The following LRIG2 variants were observed in gnomAD, a reference collection of about 807,000 sequenced individuals.
LRIG2 encodes leucine-rich repeats and immunoglobulin-like domains protein 2.
Under a neutral mutation model 107.8 loss-of-function variants are expected in LRIG2, and 93 were observed. The ratio of observed to expected loss-of-function variants is 0.86; its 90% CI spans 0.73 to 1.03. The LOEUF is 1.03. LRIG2 is among the 50% of genes least tolerant of loss of function. LRIG2 has a pLI of 0.00. For synonymous variants in LRIG2, 471 were observed against 470.6 expected, an observed-to-expected ratio of 1.00 and a Z score of -0.01; for missense variants, 1,226 against 1,296.0, an observed-to-expected ratio of 0.95 and a Z score of 0.83.
Position 113,112,721 on chromosome 1 carries a change from G to A in LRIG2, c.2041G>A (p.Ala681Thr). 6.2e-7 allele frequency: 1 copy of A among 1,608,292 alleles called. No homozygotes were observed. The highest frequency in any genetic ancestry group is 8.5e-7 in the Non-Finnish European group (1 of 1,174,934). ...GIYSCMAQNT[A>T]GGLSANASLT... ...CTATAGCTGCATGGCACAAAATACAGCAGGAGGTCTCTCAGCAAATGCTTC... is the reference window on the plus strand; with the variant it reads ...CTATAGCTGCATGGCACAAAATACAACAGGAGGTCTCTCAGCAAATGCTTC... The change falls in exon 14 of 18, where the codon GCA becomes ACA. Residue 681 changes from alanine (A) to threonine (T), a missense_variant. Physicochemically the swap from Ala to Thr is moderately conservative, Grantham distance 58 (BLOSUM62 0). Around this residue, in one of 3 missense-constraint regions of LRIG2, gnomAD observed 642 missense variants for 712.2 expected, o/e 0.90. Coordinates refer to ENST00000361127, the MANE Select transcript of LRIG2 (RefSeq NM_014813.3).
intron 14 of LRIG2, 65 bp downstream of exon 14, chr1:113,112,825 AT>A: frequency 6.9e-7 from 1 of 1,444,440 alleles, no homozygotes; most frequent in Non-Finnish European, 9.3e-7. Context: ...CTTGGTCTTA[AT>A]GAGCAAGAAA....
intron 1 of LRIG2, among the ~76,000 whole-genome samples, chr1:113,077,189 G>A (rs1251565848): frequency 1.3e-5 from 2 of 151,096 alleles, no homozygotes; most frequent in Non-Finnish European, 2.9e-5. Flanking sequence ...CTTTCGCCCA[G>A]GCTGGAGTGA....
intron 4 of LRIG2, 79 bp from the exon 5 acceptor site, chr1:113,094,260 T>C: frequency 9.6e-7 from 1 of 1,037,398 alleles, no homozygotes; most frequent in Non-Finnish European, 1.4e-6. Flanking sequence ...GGCTTAGACA[T>C]AGATTTTTGG....
At chr1:113,086,489 T>A (rs1653561118) in intron 1 of LRIG2, among the ~76,000 whole-genome samples, 1 of 152,204 alleles carries the variant, frequency 6.6e-6, no homozygotes, top group Non-Finnish European at 1.5e-5. Flanking sequence ...TTGCTGAAGT[T>A]CCCGGTTCAG....
rs755741529 is a variant in LRIG2 at position 113,125,286 on chromosome 1, TTCA to T, written c.*1187_*1189del. On this transcript the variant is annotated 3_prime_UTR_variant, in exon 18 of 18. Transcript: ENST00000361127. ...AGTCTTGGTGTAATTAACCGCCTTCTTCATGCCTAGAGGTTCATACTTCTGGTC... is the reference window on the plus strand; with the variant it reads ...AGTCTTGGTGTAATTAACCGCCTTCTTGCCTAGAGGTTCATACTTCTGGTC... 3.9e-5 allele frequency: 6 copies of T among 152,262 alleles called. No homozygotes were observed. The highest frequency in any genetic ancestry group is 8.8e-5 in the Non-Finnish European group (6 of 68,052). The allele number at this position is 152,262 out of a possible 1,614,324, so 9.4% of individuals were successfully genotyped here.
At position 113,094,968 on chromosome 1, in the gene LRIG2, T is replaced by TTATATA. The variant is rs372586532; in HGVS notation, c.803+225_803+230dup. Among the ~76,000 whole-genome samples the TTATATA allele has an allele frequency of 5.8e-3, 605 of 104,668 alleles. 4 individuals carry two copies. The highest frequency in any genetic ancestry group is 0.013 in the South Asian group (38 of 2,932). 68.7% of individuals were successfully genotyped at this position (104,668 alleles called of 152,430 possible). ...CTTACAAACTTCTCATCTAAAAAGTTTATATATATATATATATTTTTTTTG... is the reference window on the plus strand; with the variant it reads ...CTTACAAACTTCTCATCTAAAAAGTTTATATATATATATATATATATATTTTTTTTG... On this transcript the variant is annotated intron_variant, in intron 6 of 17. Coordinates refer to ENST00000361127, the MANE Select transcript of LRIG2 (RefSeq NM_014813.3).
chr1:113,094,328 G>A lies in LRIG2; in HGVS notation c.516-11G>A. ...AAATTTTTTCTTTTGCTATTATCTT[G>A]TTTATTTTAGGAATTTAAGTAATAA... is the stretch of plus-strand genomic sequence containing the variant. On this transcript the variant is annotated splice_polypyrimidine_tract_variant and intron_variant, in intron 4 of 17. Transcript: ENST00000361127. 1 of 1,584,732 alleles carries A rather than the reference G, an allele frequency of 6.3e-7. No homozygotes were observed. The highest frequency in any genetic ancestry group is 8.5e-7 in the Non-Finnish European group (1 of 1,170,618).
Position 113,094,651 on chromosome 1 carries a change from T to TA in LRIG2, c.700dup (p.Thr234AsnfsTer6). 1 of 1,613,898 alleles carries TA rather than the reference T, an allele frequency of 6.2e-7. No individual in the cohort carries two copies. Among genetic ancestry groups the TA allele is most frequent in the Non-Finnish European group, 8.5e-7 (1 of 1,179,812 alleles). On this transcript the variant is annotated frameshift_variant, in exon 6 of 18. Coordinates refer to ENST00000361127, the MANE Select transcript of LRIG2 (RefSeq NM_014813.3). LOFTEE classifies it high-confidence loss of function. ...ACAGAATTAAAATTGTGGAAGGTCT[T>TA]ACATTCCAAGGGCTTGACTCCTTAA...
rs554128964 is a variant in LRIG2, at chr1:113,107,642, A to G, written c.1362A>G (p.Leu454=). ...TCTGTGACTGCCATTTGAAGTGGCTACTTCAATGGTTGGTTGATAATAACT... is the reference window on the plus strand; with the variant it reads ...TCTGTGACTGCCATTTGAAGTGGCTGCTTCAATGGTTGGTTGATAATAACT... ...SLLCDCHLKW[L]LQWLVDNNFQ... is the part of the protein sequence containing the mutation. Residue 454 remains leucine, a synonymous_variant, in exon 12 of 18, where the codon CTA becomes CTG. Transcript: ENST00000361127. The G allele has an allele frequency of 3.9e-5, 63 of 1,613,842 alleles. 1 individual carries two copies. In the South Asian group the frequency reaches 6.4e-4, roughly 16 times the overall value.
chr1:113,093,631 GGGGAGGGGGCA>G, intron 4 of LRIG2, 67 bp downstream of exon 4: 1 of 247,954 alleles, frequency 4.0e-6, no homozygotes. Context: ...TGTGGGGTGG[GGGGAGGGGGCA>G]GGGATAGCAC....
chr1:113,109,379 A>AT (rs1245725624), intron 12 of LRIG2, among the ~76,000 whole-genome samples: 1 of 152,176 alleles, frequency 6.6e-6, no homozygotes, highest in Non-Finnish European at 1.5e-5. Flanking sequence ...ACCTATTTGG[A>AT]TTTTTTCACT....
intron 15 of LRIG2, 107 bp from the exon 16 acceptor site, chr1:113,116,180 C>T (rs1490254906): frequency 3.5e-6 from 3 of 846,024 alleles, no homozygotes; most frequent in Non-Finnish European, 5.5e-6. Context: ...TAGGTACGTA[C>T]AGTTTTTCTT....
chr1:113,077,836 T>G (rs1653057533), intron 1 of LRIG2, among the ~76,000 whole-genome samples: 1 of 151,270 alleles, frequency 6.6e-6, no homozygotes, highest in African/African-American at 2.4e-5. Context: ...GCTGCACCCA[T>G]TAACTCATCA....
chr1:113,094,014 T>G (rs1252041364), intron 4 of LRIG2, among the ~76,000 whole-genome samples: 1 of 150,930 alleles, frequency 6.6e-6, no homozygotes, highest in Non-Finnish European at 1.5e-5. Context: ...ATTTTGTTTG[T>G]TTTTTTTTGA....
At chr1:113,112,359 C>A in intron 13 of LRIG2, 120 bp from the exon 14 acceptor site, 1 of 883,318 alleles carries the variant, frequency 1.1e-6, no homozygotes, top group Non-Finnish European at 1.7e-6. Flanking sequence ...AGCCTGTCTT[C>A]ACAAAGAAAT....
chr1:113,114,493 A>G lies in LRIG2; in HGVS notation c.2147A>G (p.Gln716Arg), dbSNP rs929985633. 17 of 1,613,934 alleles carry G rather than the reference A, an allele frequency of 1.1e-5. No individual in the cohort carries two copies. Among genetic ancestry groups the G allele is most frequent in the Non-Finnish European group, 1.4e-5 (17 of 1,180,000 alleles). ...ACACGAGGTGAAACTGCGGTGTTAC[A>G]GTGCATAGCTGGAGGGAGTCCTGCC... ...TVTRGETAVLQCIAGGSPAPR... is the reference protein window; with the variant it reads ...TVTRGETAVLRCIAGGSPAPR... Residue 716 changes from glutamine (Q) to arginine (R), a missense_variant, in exon 15 of 18, where the codon CAG becomes CGG. By Grantham distance (43) the Gln-to-Arg change is conservative (BLOSUM62 1). Transcript: ENST00000361127.
intron 17 of LRIG2, among the ~76,000 whole-genome samples, chr1:113,123,534 A>T (rs1384969392): frequency 6.6e-6 from 1 of 152,218 alleles, no homozygotes; most frequent in African/African-American, 2.4e-5. Context: ...AGATGACGCC[A>T]TTGCACTCCA....
chr1:113,105,081 GGTT>G (rs1654476382), intron 11 of LRIG2, among the ~76,000 whole-genome samples: 4 of 152,194 alleles, frequency 2.6e-5, no homozygotes, highest in Admixed American at 2.6e-4. Flanking sequence ...GGGAGGTGGA[GGTT>G]GCGGTGAGCT....
chr1:113,108,197 G>T (rs2101052158), intron 12 of LRIG2, among the ~76,000 whole-genome samples: 1 of 150,884 alleles, frequency 6.6e-6, no homozygotes, highest in Middle Eastern at 3.4e-3. Context: ...AAGTTGTCCT[G>T]ATTCTAGCAC....
Sources: allele counts gnomAD v4.1 joint callset (sites outside exome capture counted in the v4.1 genomes callset), GRCh38; gene constraint gnomAD v4.1.1; regional missense constraint gnomAD v4.1.1; transcripts MANE v1.5; gene names NCBI Gene and HGNC (gene_info 2026-07-23, HGNC 2026-07-21).